MYO7B: variants seen among roughly 807,000 people sequenced by gnomAD.
The protein encoded by MYO7B is myosin VIIB.
In MYO7B, 212 loss-of-function variants were observed where a neutral mutation model predicts 259.7. The ratio of observed to expected loss-of-function variants is 0.82; its 90% CI spans 0.73 to 0.91. MYO7B has a LOEUF of 0.91. Ranked by LOEUF, MYO7B falls within the 40% of genes least tolerant of loss-of-function variation. MYO7B has a pLI of 0.00. For synonymous variants in MYO7B, 1,197 were observed against 1,166.4 expected (o/e 1.03, Z -0.54); for missense variants, 2,732 against 2,813.5 (o/e 0.97, Z 0.66).
Position 127,539,346 on chromosome 2 carries a change from C to A in MYO7B, c.-24+3515C>A, listed in dbSNP as rs1692916160. Among the ~76,000 whole-genome samples, 1 of 152,164 alleles carries A rather than the reference C, an allele frequency of 6.6e-6. No homozygotes were observed. Among genetic ancestry groups the A allele is most frequent in the South Asian group, 2.1e-4 (1 of 4,830 alleles). On this transcript the variant is annotated intron_variant, in intron 1 of 47. Transcript: ENST00000409816. This position sits in a 1 kb window ranked among gnomAD's most constrained non-coding sequence, Gnocchi z 4.0. ...CCCATATATTTGCTAGGCATAGACA[C>A]AAAATTTGTTCTGAACTTCCAGATA... is the stretch of plus-strand genomic sequence containing the variant.
Position 127,597,087 on chromosome 2 carries a change from G to A in MYO7B, c.2339+531G>A, listed in dbSNP as rs1253446914. Among the ~76,000 whole-genome samples, 1 of 152,202 alleles carries A rather than the reference G, an allele frequency of 6.6e-6. No homozygotes were observed. The highest frequency in any genetic ancestry group is 2.4e-5 in the African/African-American group (1 of 41,454). On this transcript the variant is annotated intron_variant, in intron 19 of 47. Coordinates refer to ENST00000409816, the MANE Select transcript of MYO7B (RefSeq NM_001393586.1). The surrounding 1 kb of genome is among the most constrained non-coding windows in gnomAD (Gnocchi z 4.8). The stretch of plus-strand genomic sequence containing the variant: ...AGCCAGCCCCGGGAATAGAGAATGA[G>A]GGGACAGAGAGCAGGGCAGGGAGCA...
At chr2:127,635,565 C>T (rs559417625) in intron 43 of MYO7B, 157 bp from the exon 44 acceptor site, 146 of 818,736 alleles carry the variant, frequency 1.8e-4, no homozygotes, top group Non-Finnish European at 2.6e-4. Context: ...TGCCCTGACT[C>T]AGGGTCATTC....
intron 1 of MYO7B, among the ~76,000 whole-genome samples, chr2:127,556,306 T>A (rs779066036): frequency 1.3e-5 from 2 of 152,240 alleles, no homozygotes; most frequent in Non-Finnish European, 2.9e-5. Context: ...GTGATTTTCT[T>A]GAAGGCAGCA....
chr2:127,630,668 C>T, intron 35 of MYO7B, 110 bp from the exon 36 acceptor site: 6 of 1,511,668 alleles, frequency 4.0e-6, no homozygotes, highest in Non-Finnish European at 5.4e-6. Flanking sequence ...CTGTTCAGCC[C>T]TGGGCCTGAC....
At chr2:127,555,304 T>C (rs765729616) in intron 1 of MYO7B, among the ~76,000 whole-genome samples, 1 of 152,236 alleles carries the variant, frequency 6.6e-6, no homozygotes, top group Non-Finnish European at 1.5e-5. Context: ...TAATGGTCTA[T>C]CAATTTTATT....
In MYO7B at chr2:127,634,617, G is replaced by A; in HGVS notation, c.5647G>A (p.Asp1883Asn). ...CCAGGTCATCAGCCAGAAGGAGGGA[G>A]ACTTCTTCTTTGATTCCTTGAGGGA... ...SDKVISQKEGDFFFDSLREVS... is the reference protein window; with the variant it reads ...SDKVISQKEGNFFFDSLREVS... The change falls in exon 42 of 48, where the codon GAC becomes AAC. Residue 1883 changes from aspartate (D) to asparagine (N), a missense_variant. This residue lies in a region of MYO7B where 821 missense variants were observed against 769.3 expected (regional missense o/e 1.07). Coordinates refer to ENST00000409816, the MANE Select transcript of MYO7B (RefSeq NM_001393586.1). 1.9e-6 allele frequency: 3 copies of A among 1,612,792 alleles called. No homozygotes were observed. Among genetic ancestry groups the A allele is most frequent in the Non-Finnish European group, 2.5e-6 (3 of 1,179,428 alleles).
intron 10 of MYO7B, 65 bp from the exon 11 acceptor site, chr2:127,581,826 C>T: frequency 4.4e-6 from 7 of 1,601,670 alleles, no homozygotes; most frequent in African/African-American, 1.3e-5. Flanking sequence ...TTGGCAGAAG[C>T]AGGTCAGAGT....
At chr2:127,579,821 G>A (rs797019043) in intron 9 of MYO7B, among the ~76,000 whole-genome samples, 4 of 152,260 alleles carry the variant, frequency 2.6e-5, no homozygotes, top group African/African-American at 9.6e-5. Context: ...CCCAACCTCA[G>A]GTGATCCTTC....
chr2:127,617,494 T>TTTTTTTG (rs1680618659), intron 26 of MYO7B, among the ~76,000 whole-genome samples: 1 of 125,666 alleles, frequency 8.0e-6, no homozygotes, highest in South Asian at 3.1e-4. Context: ...GGGGTTTTTT[T>TTTTTTTG]TTTTTTTTTT....
In MYO7B at chr2:127,623,256, A is replaced by G. The variant is rs369245622; in HGVS notation, c.3700A>G (p.Ser1234Gly). The G allele has an allele frequency of 6.2e-7, 1 of 1,613,514 alleles. No individual in the cohort carries two copies. Among genetic ancestry groups the G allele is most frequent in the African/African-American group, 1.3e-5 (1 of 74,884 alleles). The change falls in exon 29 of 48, where the codon AGC (serine) becomes GGC (glycine). Residue 1234 changes from serine (S) to glycine (G), a missense_variant. Transcript: ENST00000409816. ...PIQVILATGESLTVPVDSAST... is the reference protein window; with the variant it reads ...PIQVILATGEGLTVPVDSAST... ...CCAAGTCATCTTGGCCACTGGAGAG[A>G]GCCTAACCGTCCCCGTGGACTCAGC...
In MYO7B at chr2:127,607,254, C is replaced by T. The variant is rs1329844272; in HGVS notation, c.2473C>T (p.Leu825=). ...RLQAIARSQP[L]ARQYQAMRQR... Reference sequence around the variant, plus strand: ...GCAGGCTATTGCCCGGAGCCAGCCGCTGGCGAGGCAGTACCAGGCCATGCG... The same window carrying T: ...GCAGGCTATTGCCCGGAGCCAGCCGTTGGCGAGGCAGTACCAGGCCATGCG... The change falls in exon 21 of 48, where the codon CTG becomes TTG. Residue 825 remains leucine, a synonymous_variant. Coordinates refer to ENST00000409816, the MANE Select transcript of MYO7B (RefSeq NM_001393586.1). The surrounding 1 kb of genome is among the most constrained non-coding windows in gnomAD (Gnocchi z 4.4). 3 of 1,550,900 alleles carry T rather than the reference C, an allele frequency of 1.9e-6. No individual in the cohort carries two copies. Among genetic ancestry groups the T allele is most frequent in the Admixed American group, 2.0e-5 (1 of 51,064 alleles).
In MYO7B at chr2:127,564,142, C is replaced by G. The variant is rs751973143; in HGVS notation, c.19-11C>G. 22 of 1,530,108 alleles carry G rather than the reference C, an allele frequency of 1.4e-5. No homozygotes were observed. The highest frequency in any genetic ancestry group is 2.0e-5 in the Non-Finnish European group (22 of 1,127,040). The allele number at this position is 1,530,108 out of a possible 1,614,324, so 94.8% of individuals were successfully genotyped here. A position where few individuals can be genotyped will look rare whatever the true frequency, so the allele number is the denominator to read the frequency against. ...CGGGGATCACACCACTGTCTTCTGT[C>G]TGCCCTCCAGGGTGACCACGTGTGG... On this transcript the variant is annotated splice_polypyrimidine_tract_variant and intron_variant, in intron 2 of 47. Transcript: ENST00000409816.
Position 127,566,512 on chromosome 2 carries a change from T to C in MYO7B, c.286-131T>C, listed in dbSNP as rs1678349855. The C allele has an allele frequency of 4.7e-5, 39 of 830,116 alleles. No individual in the cohort carries two copies. In the South Asian group the frequency reaches 7.2e-4, roughly 15 times the overall value. The allele number at this position is 830,116 out of a possible 1,614,324, so 51.4% of individuals were successfully genotyped here. ...CTGATCTCCCTGGCCCAGAATCAGATTCTACTTCCCCACCAAAGTCAGTGG... is the reference window on the plus strand; with the variant it reads ...CTGATCTCCCTGGCCCAGAATCAGACTCTACTTCCCCACCAAAGTCAGTGG... On this transcript the variant is annotated intron_variant, in intron 4 of 47. Transcript: ENST00000409816.
intron 6 of MYO7B, among the ~76,000 whole-genome samples, chr2:127,570,342 G>A (rs1678543606): frequency 6.6e-6 from 1 of 152,208 alleles, no homozygotes; most frequent in Non-Finnish European, 1.5e-5. Flanking sequence ...CTTCAAACTT[G>A]GATGCTGCTC....
chr2:127,636,237 G>A lies in MYO7B; in HGVS notation c.6036G>A (p.Lys2012=), dbSNP rs1392517430. ...KSILLAYDKH[K]DKTVEEAKVA... is the part of the protein sequence containing the mutation. ...TCCTTCTAGCCTATGACAAGCATAA[G>A]GACAAGACAGTGGAGGAGGCCAAGG... Residue 2012 remains lysine, a synonymous_variant, in exon 45 of 48, where the codon AAG becomes AAA. Transcript: ENST00000409816. This position sits in a 1 kb window ranked among gnomAD's most constrained non-coding sequence, Gnocchi z 4.5. The A allele has an allele frequency of 3.1e-6, 5 of 1,613,518 alleles. No homozygotes were observed. Among genetic ancestry groups the A allele is most frequent in the African/African-American group, 1.3e-5 (1 of 74,926 alleles).
Position 127,573,910 on chromosome 2 carries a change from T to C in MYO7B, c.593-10T>C. 2 of 1,614,024 alleles carry C rather than the reference T, an allele frequency of 1.2e-6. No homozygotes were observed. The highest frequency in any genetic ancestry group is 1.7e-6 in the Non-Finnish European group (2 of 1,179,860). On this transcript the variant is annotated splice_polypyrimidine_tract_variant and intron_variant, in intron 6 of 47. Coordinates refer to ENST00000409816, the MANE Select transcript of MYO7B (RefSeq NM_001393586.1). ...TGCTCCCATCATGGGCATCGCCCGC[T>C]TACCTTCAGCCTTTGGAAATGCCAA...
chr2:127,562,795 A>AT (rs986422693), intron 2 of MYO7B, among the ~76,000 whole-genome samples: 3 of 151,528 alleles, frequency 2.0e-5, no homozygotes, highest in Non-Finnish European at 4.4e-5. Flanking sequence ...CAATTTTTGC[A>AT]TTTTTTTAGT....
At chr2:127,564,114 G>T in intron 2 of MYO7B, 39 bp from the exon 3 acceptor site, 1 of 1,376,520 alleles carries the variant, frequency 7.3e-7, no homozygotes, top group South Asian at 1.3e-5. Context: ...GGGGAAGAGA[G>T]AGCGGGGATC....
intron 19 of MYO7B, 126 bp downstream of exon 19, chr2:127,596,682 C>T: frequency 1.4e-6 from 1 of 723,494 alleles, no homozygotes; most frequent in Non-Finnish European, 2.4e-6. Context: ...TGAGATCTTC[C>T]AATGCCTTCC....
Sources: gnomAD v4.1 joint callset for allele counts (sites outside exome capture counted in the v4.1 genomes callset) on GRCh38, gnomAD v4.1.1 for gene constraint, gnomAD v4.1.1 regional missense constraint, Gnocchi (gnomAD v3.1) non-coding constraint, MANE v1.5 for transcripts, NCBI Gene and HGNC (gene_info 2026-07-23, HGNC 2026-07-21) for gene names.